The following COPA variants were observed in gnomAD, a reference collection of about 807,000 sequenced individuals.
COPA encodes coat protein complex I subunit alpha.
In COPA, 10 loss-of-function variants were observed where a neutral mutation model predicts 158.7. The observed-to-expected ratio is 0.06, with a 90% CI of 0.04 to 0.11. The LOEUF is 0.11. Ranked by LOEUF, COPA falls within the 10% of genes least tolerant of loss-of-function variation. COPA has a pLI of 1.00. For missense variants in COPA, 1,065 were observed against 1,536.7 expected (o/e 0.69, Z 5.13); for synonymous variants, 462 against 542.8 (o/e 0.85, Z 2.07).
At chr1:160,322,282 A>G (rs1473689591) in intron 8 of COPA, among the ~76,000 whole-genome samples, 1 of 152,210 alleles carries the variant, frequency 6.6e-6, no homozygotes, top group Non-Finnish European at 1.5e-5. Flanking sequence ...AATGGAACAG[A>G]ACAGAGGACC....
chr1:160,313,101 A>G lies in COPA; in HGVS notation c.909T>C (p.Leu303=), dbSNP rs1346584830. 1.9e-6 allele frequency: 3 copies of G among 1,614,114 alleles called. No individual in the cohort carries two copies. In the South Asian group the frequency reaches 3.3e-5, roughly 18 times the overall value. ...GGCCCTTACCTGCTGCAAAGAGGTT[A>G]AGGTTAGGGTGAGCAGCTAGGACCC... is the stretch of plus-strand genomic sequence containing the variant. ...RFWVLAAHPN[L]NLFAAGHDGG... Residue 303 remains leucine, a synonymous_variant, in exon 10 of 33, where the codon CTT becomes CTC. Transcript: ENST00000241704.
chr1:160,309,427 AAAGT>A (rs1202950895), intron 12 of COPA, among the ~76,000 whole-genome samples: 1 of 152,164 alleles, frequency 6.6e-6, no homozygotes, highest in Non-Finnish European at 1.5e-5. Flanking sequence ...TATCTGAATG[AAAGT>A]AAGAAATGCT....
intron 6 of COPA, among the ~76,000 whole-genome samples, chr1:160,327,761 G>A (rs1647323173): frequency 6.6e-6 from 1 of 152,104 alleles, no homozygotes; most frequent in South Asian, 2.1e-4. Context: ...GGGAGGCTGA[G>A]GCAGGAGAAT....
At chr1:160,334,010 A>G (rs1647653052) in intron 4 of COPA, among the ~76,000 whole-genome samples, 1 of 152,156 alleles carries the variant, frequency 6.6e-6, no homozygotes, top group Non-Finnish European at 1.5e-5. Flanking sequence ...TAATCATGTA[A>G]ATTAAGATCC....
chr1:160,291,893 C>A lies in COPA; in HGVS notation c.3184G>T (p.Val1062Leu), dbSNP rs138625189. The A allele has an allele frequency of 4.2e-4, 681 of 1,614,168 alleles. 2 individuals are homozygous for A. Among genetic ancestry groups the A allele is most frequent in the Non-Finnish European group, 5.4e-4 (643 of 1,180,036 alleles). Residue 1062 changes from valine (V) to leucine (L), a missense_variant, in exon 30 of 33, where the codon GTG (valine) becomes TTG (leucine). Transcript: ENST00000241704. ...QLITICREYI[V>L]GLSVETERKK... ...CTTTCTGTCTCCACGGACAAACCCA[C>A]AATGTACTCACGGCAAATGGTGATG...
chr1:160,335,474 C>A, intron 3 of COPA, 152 bp from the exon 4 acceptor site: 4 of 508,356 alleles, frequency 7.9e-6, no homozygotes, highest in Non-Finnish European at 1.3e-5. Context: ...TAGGTAGGAA[C>A]CTTGGTAGAA....
At chr1:160,304,164 C>G (rs1003356473) in intron 17 of COPA, among the ~76,000 whole-genome samples, 2 of 151,470 alleles carry the variant, frequency 1.3e-5, no homozygotes, top group African/African-American at 4.8e-5. Flanking sequence ...ACAGGCACCA[C>G]CACCACACCC....
intron 17 of COPA, among the ~76,000 whole-genome samples, chr1:160,302,801 G>A (rs1386922143): frequency 2.0e-5 from 3 of 151,680 alleles, no homozygotes; most frequent in Non-Finnish European, 4.4e-5. Flanking sequence ...TGATCCACCC[G>A]CCTCAGCCTC....
chr1:160,315,214 G>C (rs1366998341), intron 8 of COPA, among the ~76,000 whole-genome samples: 2 of 152,186 alleles, frequency 1.3e-5, no homozygotes, highest in Non-Finnish European at 2.9e-5. Context: ...AGACTGAGGA[G>C]GTCAACTACC....
intron 6 of COPA, among the ~76,000 whole-genome samples, chr1:160,328,810 A>C (rs1647371292): frequency 6.6e-6 from 1 of 152,218 alleles, no homozygotes; most frequent in Non-Finnish European, 1.5e-5. Context: ...GTAACACAAA[A>C]GATTCAGGTT....
intron 8 of COPA, among the ~76,000 whole-genome samples, chr1:160,315,229 C>T (rs1393552123): frequency 6.6e-6 from 1 of 152,248 alleles, no homozygotes; most frequent in Non-Finnish European, 1.5e-5. Flanking sequence ...ACTACCTTCC[C>T]CATCTTCCTG....
chr1:160,299,025 G>GACATC, intron 18 of COPA, 34 bp from the exon 19 acceptor site: 1 of 1,608,138 alleles, frequency 6.2e-7, no homozygotes, highest in Non-Finnish European at 8.5e-7. Context: ...GCAAGAAGTA[G>GACATC]ACATCACTTA....
At chr1:160,309,197 T>C in intron 12 of COPA, 21 bp from the exon 13 acceptor site, 1 of 1,591,912 alleles carries the variant, frequency 6.3e-7, no homozygotes, top group East Asian at 2.2e-5. Flanking sequence ...AAAGGGGAAA[T>C]TAAAATGTTA....
chr1:160,309,199 A>G (rs768145269), intron 12 of COPA, 23 bp from the exon 13 acceptor site: 7 of 1,585,272 alleles, frequency 4.4e-6, no homozygotes, highest in Non-Finnish European at 6.1e-6. Context: ...AGGGGAAATT[A>G]AAATGTTAGT....
intron 8 of COPA, among the ~76,000 whole-genome samples, chr1:160,321,454 A>G (rs185394726): frequency 6.6e-6 from 1 of 152,356 alleles, no homozygotes; most frequent in African/African-American, 2.4e-5. Context: ...CCAAAATGAT[A>G]AATTCAGTCC....
chr1:160,302,291 C>T (rs1658633753), intron 17 of COPA, among the ~76,000 whole-genome samples: 1 of 151,956 alleles, frequency 6.6e-6, no homozygotes, highest in Non-Finnish European at 1.5e-5. Context: ...CATTTACAAA[C>T]AGAATTTTAA....
At chr1:160,297,052 T>C (rs1250109709) in intron 21 of COPA, among the ~76,000 whole-genome samples, 2 of 152,208 alleles carry the variant, frequency 1.3e-5, no homozygotes, top group Non-Finnish European at 2.9e-5. Context: ...AAAATTCTAA[T>C]GGCATCCAAC....
Position 160,332,441 on chromosome 1 carries a change from A to G in COPA, c.496+7T>C, listed in dbSNP as rs1647571089. 1 of 1,599,526 alleles carries G rather than the reference A, an allele frequency of 6.3e-7. No individual in the cohort carries two copies. The highest frequency in any genetic ancestry group is 1.3e-5 in the African/African-American group (1 of 74,144). ...ACCAGGTTGTCCTCTGAACTTGGGC[A>G]GCTCACCAGAAATATCCCAAACGCG... On this transcript the variant is annotated splice_region_variant and intron_variant, in intron 6 of 32. Transcript: ENST00000241704.
intron 17 of COPA, 173 bp downstream of exon 17, chr1:160,305,260 T>C (rs754342763): frequency 1.7e-6 from 1 of 575,234 alleles, no homozygotes; most frequent in Non-Finnish European, 3.0e-6. Context: ...GTTTTAGATT[T>C]CTCAATTTTA....
Sources: gnomAD v4.1 joint callset for allele counts (sites outside exome capture counted in the v4.1 genomes callset) on GRCh38, gnomAD v4.1.1 for gene constraint, MANE v1.5 for transcripts, NCBI Gene and HGNC (gene_info 2026-07-23, HGNC 2026-07-21) for gene names.